INO80D: variants seen among roughly 807,000 people sequenced by gnomAD.
INO80D encodes INO80 complex subunit D.
In INO80D, 21 loss-of-function variants were observed where a neutral mutation model predicts 87.6. That is an observed-to-expected ratio of 0.24 (90% CI 0.17 to 0.35). INO80D has a LOEUF of 0.35. Among genes scored for constraint, INO80D ranks in the 10% least tolerant of loss-of-function variants. The pLI is 1.00. For missense variants in INO80D, 982 were observed against 1,280.7 expected, an observed-to-expected ratio of 0.77 and a Z score of 3.56; for synonymous variants, 440 against 491.0, an observed-to-expected ratio of 0.90 and a Z score of 1.37.
chr2:206,073,366 A>G (rs1270294283), intron 1 of INO80D, among the ~76,000 whole-genome samples: 1 of 152,188 alleles, frequency 6.6e-6, no homozygotes, highest in Non-Finnish European at 1.5e-5. Flanking sequence ...ACTAAAGGTG[A>G]AGTTCACATC....
At position 206,004,840 on chromosome 2, in the gene INO80D, A is replaced by C. The variant is rs748350538; in HGVS notation, c.2612T>G (p.Leu871Trp). ...SAEMPIMAQH[L>W]LPTQLEVPLG... ...TGGCACCTCAAGTTGGGTTGGGAGC[A>C]AGTGCTGCGCCATGATGGGCATCTC... The change falls in exon 11 of 11, where the codon TTG (leucine) becomes TGG (tryptophan). Residue 871 changes from leucine to tryptophan, a missense_variant. Transcript: ENST00000403263. This position sits in a 1 kb window ranked among gnomAD's most constrained non-coding sequence, Gnocchi z 4.9. 6.2e-7 allele frequency: 1 copy of C among 1,614,000 alleles called. No individual in the cohort carries two copies. Among genetic ancestry groups the C allele is most frequent in the African/African-American group, 1.3e-5 (1 of 75,042 alleles).
At chr2:206,028,878 TG>T (rs1688688674) in intron 5 of INO80D, among the ~76,000 whole-genome samples, 1 of 151,938 alleles carries the variant, frequency 6.6e-6, no homozygotes, top group Non-Finnish European at 1.5e-5. Context: ...CATGTATTTT[TG>T]TTTTGTTTTT....
intron 5 of INO80D, among the ~76,000 whole-genome samples, chr2:206,044,009 A>G (rs1054843544): frequency 6.6e-6 from 1 of 152,120 alleles, no homozygotes; most frequent in Non-Finnish European, 1.5e-5. Context: ...CTGGGTAAAC[A>G]TAACAGGACC....
At chr2:206,041,351 A>C (rs1689045082) in intron 5 of INO80D, among the ~76,000 whole-genome samples, 5 of 152,226 alleles carry the variant, frequency 3.3e-5, no homozygotes, top group Admixed American at 3.3e-4. Context: ...CAAATAGGTT[A>C]GAAGCAAAAG....
chr2:206,005,845 A>G (rs1018285851), intron 10 of INO80D, among the ~76,000 whole-genome samples: 1 of 152,208 alleles, frequency 6.6e-6, no homozygotes, highest in Non-Finnish European at 1.5e-5. Flanking sequence ...CATGGTGACT[A>G]TGTGATTATA....
chr2:206,072,444 T>G (rs1221531682), intron 1 of INO80D, among the ~76,000 whole-genome samples: 2 of 151,780 alleles, frequency 1.3e-5, no homozygotes, highest in Admixed American at 1.3e-4. Context: ...CCCAGCCAAT[T>G]TTTTTGTATT....
intron 8 of INO80D, among the ~76,000 whole-genome samples, chr2:206,012,867 CAAAAAAAAAAAA>C (rs71035432): frequency 1.2e-5 from 1 of 85,734 alleles, no homozygotes; most frequent in Non-Finnish European, 2.2e-5. Context: ...AGACTTGTCT[CAAAAAAAAAAAA>C]AAAAAAAACC....
rs1175389682 is a variant in INO80D at position 206,047,856 on chromosome 2, ATT to A, written c.965-1246_965-1245del. On this transcript the variant is annotated intron_variant, in intron 4 of 10. Coordinates refer to ENST00000403263, the MANE Select transcript of INO80D (RefSeq NM_017759.5). Reference sequence around the variant, plus strand: ...CTAATGAGGTTTCGGATTTCTTTCAATTTTTTTTTTTTGAGACGGAGTCTCGC... The same window carrying A: ...CTAATGAGGTTTCGGATTTCTTTCAATTTTTTTTTTGAGACGGAGTCTCGC... Among the ~76,000 whole-genome samples the A allele has an allele frequency of 2.2e-5, 3 of 139,440 alleles. No homozygotes were observed. The Admixed American group carries it at 2.3e-4, about 11-fold the overall frequency. The allele number at this position is 139,440 out of a possible 152,430, so 91.5% of individuals were successfully genotyped here.
At chr2:206,026,132 C>CA (rs1156877219) in intron 6 of INO80D, among the ~76,000 whole-genome samples, 6 of 152,090 alleles carry the variant, frequency 3.9e-5, no homozygotes. Flanking sequence ...TTCGTGACCT[C>CA]AAGTGATCTA....
intron 1 of INO80D, among the ~76,000 whole-genome samples, chr2:206,080,690 G>A (rs1407278366): frequency 2.0e-5 from 3 of 151,862 alleles, no homozygotes; most frequent in Admixed American, 6.6e-5. Context: ...GGCGGATCAC[G>A]AGGTCAGGAG....
intron 10 of INO80D, 146 bp from the exon 11 acceptor site, chr2:206,005,679 A>G: frequency 1.5e-6 from 1 of 682,344 alleles, no homozygotes; most frequent in South Asian, 2.0e-5. Flanking sequence ...ATTGGAGGGA[A>G]AAAGTGAAAT....
At chr2:206,034,804 G>C (rs1688853532) in intron 5 of INO80D, among the ~76,000 whole-genome samples, 1 of 152,110 alleles carries the variant, frequency 6.6e-6, no homozygotes, top group South Asian at 2.1e-4. Flanking sequence ...AAGTCAAACT[G>C]TCACTGTTTG....
chr2:206,046,906 G>A (rs570989207), intron 4 of INO80D, among the ~76,000 whole-genome samples: 7 of 151,688 alleles, frequency 4.6e-5, no homozygotes, highest in South Asian at 4.2e-4. Context: ...TCGGCCTCCC[G>A]AGTAGCCAGG....
intron 8 of INO80D, 131 bp downstream of exon 8, chr2:206,017,549 A>C: frequency 1.6e-6 from 1 of 639,902 alleles, no homozygotes; most frequent in Non-Finnish European, 2.5e-6. Context: ...AATGTATCTT[A>C]AGGGAATAAA....
At chr2:206,078,856 T>C (rs562760155) in intron 1 of INO80D, among the ~76,000 whole-genome samples, 22 of 152,076 alleles carry the variant, frequency 1.4e-4, no homozygotes, top group African/African-American at 2.7e-4. Context: ...GGGCAGAGAA[T>C]TGCTTGAACC....
At chr2:206,082,614 A>G (rs576937173) in intron 1 of INO80D, among the ~76,000 whole-genome samples, 6 of 152,160 alleles carry the variant, frequency 3.9e-5, no homozygotes, top group Non-Finnish European at 7.3e-5. Flanking sequence ...GCTGCCTCCA[A>G]CCCAGTCTCA....
chr2:206,028,242 C>T lies in INO80D; in HGVS notation c.1167G>A (p.Glu389=). Residue 389 remains glutamate, a synonymous_variant, in exon 6 of 11, where the codon GAG becomes GAA. Coordinates refer to ENST00000403263, the MANE Select transcript of INO80D (RefSeq NM_017759.5). ...QQKYKHLCRL[E]RAESRQKKCR... ...ATTTCTTTTGACGAGATTCTGCCCG[C>T]TCCAGGCGGCAGAGGTGCTTATATT... The T allele has an allele frequency of 6.2e-7, 1 of 1,613,864 alleles. No homozygotes were observed. The highest frequency in any genetic ancestry group is 8.5e-7 in the Non-Finnish European group (1 of 1,179,772).
At chr2:206,081,768 AAAAGAAAG>A (rs56190512) in intron 1 of INO80D, among the ~76,000 whole-genome samples, 48 of 147,160 alleles carry the variant, frequency 3.3e-4, no homozygotes, top group East Asian at 2.8e-3. Flanking sequence ...AAAAAAAAAA[AAAAGAAAG>A]AAAGAAAGAA....
intron 1 of INO80D, among the ~76,000 whole-genome samples, chr2:206,070,321 G>A (rs1439134512): frequency 6.6e-6 from 1 of 152,048 alleles, no homozygotes; most frequent in African/African-American, 2.4e-5. Flanking sequence ...TTACTTGAGA[G>A]GCTGAGGTGA....
Sources: allele counts gnomAD v4.1 joint callset (sites outside exome capture counted in the v4.1 genomes callset), GRCh38; gene constraint gnomAD v4.1.1; non-coding constraint Gnocchi (gnomAD v3.1); transcripts MANE v1.5; gene names NCBI Gene and HGNC (gene_info 2026-07-23, HGNC 2026-07-21).